The following PCNX1 variants were observed in gnomAD, a reference collection of about 807,000 sequenced individuals.
The protein encoded by PCNX1 is pecanex 1, also known as pecanex-like protein 1.
A neutral mutation model predicts 242.2 loss-of-function variants in PCNX1; 78 were observed. The observed-to-expected ratio is 0.32, with a 90% CI of 0.27 to 0.39. The LOEUF (loss-of-function observed/expected upper bound fraction) is 0.39, where lower values mean the gene tolerates loss of function less well. PCNX1 is among the 10% of genes least tolerant of loss of function. The probability of loss-of-function intolerance (pLI) is 1.00; values close to 1 mark genes in which losing one functional copy is unlikely to be tolerated. For synonymous variants in PCNX1, 1,024 were observed against 1,032.9 expected, an observed-to-expected ratio of 0.99 and a Z score of 0.17; for missense variants, 2,581 against 2,856.5, an observed-to-expected ratio of 0.90 and a Z score of 2.20.
intron 30 of PCNX1, among the ~76,000 whole-genome samples, chr14:71,099,334 A>G (rs1018437018): frequency 4.0e-5 from 6 of 151,536 alleles, no homozygotes; most frequent in African/African-American, 9.7e-5. Context: ...AATTTTTTGT[A>G]TTTTTAGTAG....
intron 26 of PCNX1, 121 bp from the exon 27 acceptor site, chr14:71,073,424 C>T: frequency 2.2e-6 from 2 of 928,792 alleles, no homozygotes; most frequent in Admixed American, 2.4e-5. Context: ...TAAGGCAAAT[C>T]CATCACATAC....
At chr14:71,032,457 G>T (rs2060414647) in intron 16 of PCNX1, among the ~76,000 whole-genome samples, 2 of 152,000 alleles carry the variant, frequency 1.3e-5, no homozygotes, top group African/African-American at 4.8e-5. Flanking sequence ...TATTTTCAAG[G>T]TTATTGTAAA....
chr14:71,057,789 T>C (rs2061222249), intron 26 of PCNX1, 65 bp downstream of exon 26: 1 of 1,093,522 alleles, frequency 9.1e-7, no homozygotes, highest in South Asian at 1.4e-5. Context: ...TTTACATGTT[T>C]CTATCTCAAA....
Position 70,935,477 on chromosome 14 carries a change from G to T in PCNX1, c.154-11438G>T, listed in dbSNP as rs78335935. Among the ~76,000 whole-genome samples, 1,367 of 152,336 alleles carry T rather than the reference G, an allele frequency of 9.0e-3. 10 individuals carry two copies. The highest frequency in any genetic ancestry group is 0.012 in the Non-Finnish European group (843 of 68,028). On this transcript the variant is annotated intron_variant, in intron 1 of 35. Transcript: ENST00000304743. ...GGCCACTGCTCTTAGCAATATAATA[G>T]TAGGGGGAGAGAGTTTATTTAGGTG...
chr14:71,109,128 G>A (rs2062700793), intron 34 of PCNX1, 82 bp downstream of exon 34: 1 of 1,115,440 alleles, frequency 9.0e-7, no homozygotes, highest in Non-Finnish European at 1.3e-6. Flanking sequence ...AAGGACTGTT[G>A]TGAATACACA....
chr14:70,972,642 C>T (rs2058575093), intron 5 of PCNX1, among the ~76,000 whole-genome samples: 1 of 152,142 alleles, frequency 6.6e-6, no homozygotes, highest in Admixed American at 6.5e-5. Context: ...AGGATCCAAA[C>T]CAAGGATCCA....
intron 9 of PCNX1, chr14:71,009,983 T>C (rs1034606176): frequency 5.6e-5 from 16 of 287,292 alleles, no homozygotes; most frequent in African/African-American, 3.5e-4. Context: ...CACTTAAATC[T>C]ACTCTCTTAG....
chr14:70,935,366 G>A (rs1465711249), intron 1 of PCNX1, among the ~76,000 whole-genome samples: 3 of 152,216 alleles, frequency 2.0e-5, no homozygotes, highest in African/African-American at 7.2e-5. Flanking sequence ...GGGCAACATA[G>A]CGAGACACTG....
At chr14:71,067,297 A>G (rs2061472086) in intron 26 of PCNX1, among the ~76,000 whole-genome samples, 1 of 152,072 alleles carries the variant, frequency 6.6e-6, no homozygotes, top group Non-Finnish European at 1.5e-5. Context: ...AGAACTTGTT[A>G]TTGGTCTATT....
chr14:71,108,563 G>C (rs755869668), intron 33 of PCNX1, 41 bp from the exon 34 acceptor site: 3 of 1,488,508 alleles, frequency 2.0e-6, no homozygotes, highest in African/African-American at 2.8e-5. Context: ...TTGTGTCTGA[G>C]TCATTCTACT....
intron 8 of PCNX1, among the ~76,000 whole-genome samples, chr14:70,997,103 C>G (rs1212920839): frequency 6.6e-6 from 1 of 151,988 alleles, no homozygotes; most frequent in African/African-American, 2.4e-5. Context: ...TTTGTAGAGG[C>G]AAGAATATTT....
chr14:70,929,249 T>C (rs2526867), intron 1 of PCNX1, among the ~76,000 whole-genome samples: 68,408 of 151,456 alleles, frequency 0.45, 16,855 homozygotes, highest in Non-Finnish European at 0.56. Context: ...TTTTTTTTTT[T>C]CCCCTCTTAC....
chr14:70,973,252 C>CA (rs71448337), intron 5 of PCNX1, among the ~76,000 whole-genome samples: 6,500 of 80,204 alleles, frequency 0.081, 220 homozygotes, highest in Middle Eastern at 0.16. Context: ...CACTCTGTCT[C>CA]AAAAAAAAAA....
At position 71,057,499 on chromosome 14, in the gene PCNX1, C is replaced by G; in HGVS notation, c.4637-10C>G. The G allele has an allele frequency of 6.3e-7, 1 of 1,585,378 alleles. No homozygotes were observed. Among genetic ancestry groups the G allele is most frequent in the Non-Finnish European group, 8.6e-7 (1 of 1,157,806 alleles). On this transcript the variant is annotated splice_polypyrimidine_tract_variant and intron_variant, in intron 25 of 35. Coordinates refer to ENST00000304743, the MANE Select transcript of PCNX1 (RefSeq NM_014982.3). ...TTAAATTTAACTTTTTTTAAAATCT[C>G]TTTTTATAGGATCAGATGACAACAA...
intron 22 of PCNX1, among the ~76,000 whole-genome samples, chr14:71,049,788 G>A (rs1217145700): frequency 6.6e-6 from 1 of 152,176 alleles, no homozygotes; most frequent in African/African-American, 2.4e-5. Flanking sequence ...AAGTTCGTTT[G>A]TAAATCAGTT....
At chr14:71,077,165 T>A (rs929464878) in intron 28 of PCNX1, among the ~76,000 whole-genome samples, 1 of 152,170 alleles carries the variant, frequency 6.6e-6, no homozygotes, top group East Asian at 1.9e-4. Context: ...TGTCTTATCC[T>A]AAAAGTAAGA....
chr14:70,968,638 A>G (rs754714641), intron 4 of PCNX1, among the ~76,000 whole-genome samples: 27 of 152,238 alleles, frequency 1.8e-4, no homozygotes, highest in Non-Finnish European at 2.6e-4. Context: ...TGATCTATTC[A>G]GATAAATTCG....
Position 71,113,095 on chromosome 14 carries a change from T to TAA in PCNX1, c.*3161_*3162dup, listed in dbSNP as rs2062785178. On this transcript the variant is annotated 3_prime_UTR_variant, in exon 36 of 36. Coordinates refer to ENST00000304743, the MANE Select transcript of PCNX1 (RefSeq NM_014982.3). ...ATTTTTCCAAGAATCTAGATTAACA[T>TAA]AAGATGTTGATATTTAAGGAACTTG... 1 of 152,184 alleles carries TAA rather than the reference T, an allele frequency of 6.6e-6. No homozygotes were observed. The highest frequency in any genetic ancestry group is 1.9e-4 in the East Asian group (1 of 5,200). The allele number at this position is 152,184 out of a possible 1,614,324, so 9.4% of individuals were successfully genotyped here.
At position 71,105,266 on chromosome 14, in the gene PCNX1, A is replaced by G; in HGVS notation, c.6127A>G (p.Ser2043Gly). 1 of 1,614,068 alleles carries G rather than the reference A, an allele frequency of 6.2e-7. No homozygotes were observed. Among genetic ancestry groups the G allele is most frequent in the Non-Finnish European group, 8.5e-7 (1 of 1,179,950 alleles). Residue 2043 changes from serine to glycine, a missense_variant, in exon 33 of 36, where the codon AGT (serine) becomes GGT (glycine). Transcript: ENST00000304743. ...LRKGCGAGCN[S>G]GGNIEDSDTG... ...GAAAGGTTGCGGAGCTGGATGTAAC[A>G]GTGGTGGCAATATTGAAGATTCTGA...
Sources: allele counts gnomAD v4.1 joint callset (sites outside exome capture counted in the v4.1 genomes callset), GRCh38; gene constraint gnomAD v4.1.1; transcripts MANE v1.5; gene names NCBI Gene and HGNC (gene_info 2026-07-23, HGNC 2026-07-21).